The following TET3 variants were observed in gnomAD, a reference collection of about 807,000 sequenced individuals.
The protein encoded by TET3 is methylcytosine dioxygenase TET3.
Under a neutral mutation model 141.4 loss-of-function variants are expected in TET3, and 19 were observed. The observed-to-expected ratio is 0.13, with a 90% CI of 0.09 to 0.20. The LOEUF (loss-of-function observed/expected upper bound fraction) is 0.20. Ranked by LOEUF, TET3 falls within the 10% of genes least tolerant of loss-of-function variation. The pLI, the probability that TET3 is intolerant of heterozygous loss-of-function variation, is 1.00. For missense variants in TET3, 1,874 were observed against 2,356.9 expected (o/e 0.80, Z 4.24); for synonymous variants, 1,043 against 980.9 (o/e 1.06, Z -1.18).
intron 3 of TET3, among the ~76,000 whole-genome samples, chr2:74,006,029 C>G (rs543621845): frequency 6.6e-6 from 1 of 152,242 alleles, no homozygotes; most frequent in Admixed American, 6.5e-5. Flanking sequence ...TGTCTGGAAA[C>G]TATTTTGGGA....
chr2:74,096,098 C>A (rs1346056233), intron 10 of TET3, among the ~76,000 whole-genome samples: 3 of 152,150 alleles, frequency 2.0e-5, no homozygotes, highest in Admixed American at 6.5e-5. Flanking sequence ...GCTACCCTTA[C>A]CTTTTGATAT....
chr2:74,084,053 G>A (rs919766961), intron 6 of TET3, among the ~76,000 whole-genome samples: 3 of 152,166 alleles, frequency 2.0e-5, no homozygotes, highest in Admixed American at 6.5e-5. Context: ...ATTTAATACC[G>A]TGTTCAGGTG....
intron 3 of TET3, among the ~76,000 whole-genome samples, chr2:74,006,269 T>A (rs547531269): frequency 2.0e-5 from 3 of 152,294 alleles, no homozygotes; most frequent in African/African-American, 7.2e-5. Context: ...ACTAGAGAAG[T>A]GAAGGAACTA....
chr2:74,070,419 TC>T (rs1249886196), intron 4 of TET3, among the ~76,000 whole-genome samples: 2 of 152,190 alleles, frequency 1.3e-5, no homozygotes, highest in African/African-American at 4.8e-5. Flanking sequence ...CCTCCATGAT[TC>T]AGTTATCTCT....
rs1687761642 is a variant in TET3 at position 74,048,363 on chromosome 2, A to G, written c.2446A>G (p.Thr816Ala). Reference sequence around the variant, plus strand: ...CACACCCACCAAGAGTCTGCTGGACACACCTGCCAAGAGAGCCCAGGCCGA... The same window carrying G: ...CACACCCACCAAGAGTCTGCTGGACGCACCTGCCAAGAGAGCCCAGGCCGA... ...LDTPTKSLLDTPAKRAQAEFP... is the reference protein window; with the variant it reads ...LDTPTKSLLDAPAKRAQAEFP... Residue 816 changes from threonine (T) to alanine (A), a missense_variant, in exon 4 of 12, where the codon ACA becomes GCA. This residue lies in a region of TET3 where 83 missense variants were observed against 107.0 expected (regional missense o/e 0.78). Coordinates refer to ENST00000409262, the MANE Select transcript of TET3 (RefSeq NM_001287491.2). The G allele has an allele frequency of 6.2e-7, 1 of 1,613,152 alleles. No individual in the cohort carries two copies. Among genetic ancestry groups the G allele is most frequent in the Non-Finnish European group, 8.5e-7 (1 of 1,179,658 alleles).
chr2:73,989,725 T>C (rs114836948), intron 2 of TET3, among the ~76,000 whole-genome samples: 362 of 152,236 alleles, frequency 2.4e-3, no homozygotes, highest in Non-Finnish European at 4.0e-3. Context: ...AGGAAGACTT[T>C]AGAGGAGGTT....
At chr2:74,096,169 CT>C (rs1690814067) in intron 10 of TET3, among the ~76,000 whole-genome samples, 1 of 152,044 alleles carries the variant, frequency 6.6e-6, no homozygotes, top group African/African-American at 2.4e-5. Context: ...TGGATTTTCC[CT>C]TTGGTCTGTT....
rs530969549 is a variant in TET3, at chr2:74,007,564, C to T, written c.360+4398C>T. On this transcript the variant is annotated intron_variant, in intron 3 of 11. Coordinates refer to ENST00000409262, the MANE Select transcript of TET3 (RefSeq NM_001287491.2). ...AGACTCATTTAGAGTGTGGGCCCCG[C>T]AGCCCTTACTGCTTCAGGGGGCTTC... 2.0e-5 allele frequency among the ~76,000 whole-genome samples: 3 copies of T among 152,344 alleles called. No homozygotes were observed. In the South Asian group the frequency reaches 6.2e-4, roughly 32 times the overall value.
At chr2:74,042,520 A>G (rs554324683) in intron 3 of TET3, among the ~76,000 whole-genome samples, 6 of 152,240 alleles carry the variant, frequency 3.9e-5, no homozygotes, top group Non-Finnish European at 5.9e-5. Flanking sequence ...CATTAACACC[A>G]TATAGGCAAG....
Position 74,100,373 on chromosome 2 carries a change from C to G in TET3, c.3605-20C>G, listed in dbSNP as rs1691116540. The stretch of plus-strand genomic sequence containing the variant: ...GTGGTGTTGTCTGCCCCTCTGCCAT[C>G]TTGCCTTCTGTTTCCCCAGGCCTGT... On this transcript the variant is annotated intron_variant, in intron 11 of 11. Coordinates refer to ENST00000409262, the MANE Select transcript of TET3 (RefSeq NM_001287491.2). 4.5e-6 allele frequency: 7 copies of G among 1,551,590 alleles called. No individual in the cohort carries two copies. Among genetic ancestry groups the G allele is most frequent in the Non-Finnish European group, 6.1e-6 (7 of 1,146,336 alleles).
chr2:74,067,891 T>A (rs1013112293), intron 4 of TET3, among the ~76,000 whole-genome samples: 5 of 152,216 alleles, frequency 3.3e-5, no homozygotes, highest in Non-Finnish European at 5.9e-5. Context: ...GGGGACTTTG[T>A]GGACCACATT....
the TET3 span, among the ~76,000 whole-genome samples, chr2:74,117,154 G>C: frequency 6.6e-6 from 1 of 152,124 alleles, no homozygotes; most frequent in African/African-American, 2.4e-5. Flanking sequence ...TTTTTGAATT[G>C]TAACCTCCAC....
intron 3 of TET3, among the ~76,000 whole-genome samples, chr2:74,008,203 G>T (rs187508996): frequency 6.6e-6 from 1 of 152,126 alleles, no homozygotes; most frequent in Non-Finnish European, 1.5e-5. Context: ...CAAAGCCTCC[G>T]CTTGAAAGAG....
At chr2:74,045,614 C>A (rs139959154) in intron 3 of TET3, among the ~76,000 whole-genome samples, 1 of 152,332 alleles carries the variant, frequency 6.6e-6, no homozygotes, top group African/African-American at 2.4e-5. Flanking sequence ...ACTGACCTGG[C>A]ATGGGGCTAA....
chr2:74,106,906 G>A lies in TET3; in HGVS notation c.*4730G>A, dbSNP rs900486538. 3.9e-5 allele frequency: 6 copies of A among 152,192 alleles called. No individual in the cohort carries two copies. Among genetic ancestry groups the A allele is most frequent in the African/African-American group, 1.4e-4 (6 of 41,442 alleles). The allele number at this position is 152,192 out of a possible 1,614,324, so 9.4% of individuals were successfully genotyped here. A position where few individuals can be genotyped will look rare whatever the true frequency, so the allele number is the denominator to read the frequency against. On this transcript the variant is annotated 3_prime_UTR_variant, in exon 12 of 12. Coordinates refer to ENST00000409262, the MANE Select transcript of TET3 (RefSeq NM_001287491.2). ...TCAGCAGTTAAGATAGCGGAACGCCGAAAGGAAGGAGCGTAGTTGGCTGTA... is the reference window on the plus strand; with the variant it reads ...TCAGCAGTTAAGATAGCGGAACGCCAAAAGGAAGGAGCGTAGTTGGCTGTA...
In TET3 at chr2:74,065,650, CTTCTT is replaced by C. The variant is rs1206645324; in HGVS notation, c.2495-7891_2495-7887del. The stretch of plus-strand genomic sequence containing the variant: ...TCCTTCCTTCCTTCTCTTTCTCTCT[CTTCTT>C]TTCTTTTTTCTTTCTTTCTTTCCCT... On this transcript the variant is annotated intron_variant, in intron 4 of 11. Coordinates refer to ENST00000409262, the MANE Select transcript of TET3 (RefSeq NM_001287491.2). 4.0e-5 allele frequency among the ~76,000 whole-genome samples: 6 copies of C among 149,880 alleles called. No individual in the cohort carries two copies. In the South Asian group the frequency reaches 6.3e-4, roughly 16 times the overall value.
chr2:74,116,377 A>G, the TET3 span, among the ~76,000 whole-genome samples: 1 of 152,090 alleles, frequency 6.6e-6, no homozygotes, highest in African/African-American at 2.4e-5. Context: ...CAGGAAAGGA[A>G]ATCATTATAT....
intron 4 of TET3, among the ~76,000 whole-genome samples, chr2:74,065,993 G>A (rs992996424): frequency 1.3e-5 from 2 of 152,118 alleles, no homozygotes; most frequent in Admixed American, 6.5e-5. Flanking sequence ...TCCTGACCTC[G>A]TGATCCGCCT....
chr2:74,102,487 T>C lies in TET3; in HGVS notation c.*311T>C, dbSNP rs1691285283. 1 of 213,934 alleles carries C rather than the reference T, an allele frequency of 4.7e-6. No homozygotes were observed. Among genetic ancestry groups the C allele is most frequent in the Non-Finnish European group, 9.1e-6 (1 of 109,392 alleles). 13.3% of individuals were successfully genotyped at this position (213,934 alleles called of 1,614,324 possible). ...CTGGGGGGTTTTTATTTTTATTTTC[T>C]CTTTGTTTTTAAAACTCTATCCTTG... On this transcript the variant is annotated 3_prime_UTR_variant, in exon 12 of 12. Coordinates refer to ENST00000409262, the MANE Select transcript of TET3 (RefSeq NM_001287491.2).
Sources: gnomAD v4.1 joint callset for allele counts (sites outside exome capture counted in the v4.1 genomes callset) on GRCh38, gnomAD v4.1.1 for gene constraint, gnomAD v4.1.1 regional missense constraint, MANE v1.5 for transcripts, NCBI Gene and HGNC (gene_info 2026-07-23, HGNC 2026-07-21) for gene names.